The following INTS3 variants were observed in gnomAD, a reference collection of about 807,000 sequenced individuals.
The protein encoded by INTS3 is SOSS complex subunit A.
A neutral mutation model predicts 146.3 loss-of-function variants in INTS3; 34 were observed. The observed-to-expected ratio is 0.23, with a 90% CI of 0.18 to 0.31. The LOEUF (loss-of-function observed/expected upper bound fraction) is 0.31. INTS3 is among the 10% of genes least tolerant of loss of function. The probability of loss-of-function intolerance (pLI) is 1.00; values close to 1 mark genes in which losing one functional copy is unlikely to be tolerated. For missense variants in INTS3, 757 were observed against 1,304.2 expected, an observed-to-expected ratio of 0.58 and a Z score of 6.46; for synonymous variants, 475 against 494.9, an observed-to-expected ratio of 0.96 and a Z score of 0.53.
At chr1:153,737,170 G>C (rs1671327357) in intron 1 of INTS3, among the ~76,000 whole-genome samples, 2 of 152,190 alleles carry the variant, frequency 1.3e-5, no homozygotes. Flanking sequence ...TGACCTCTAA[G>C]ATCAGGTAGA....
chr1:153,745,184 G>T, intron 3 of INTS3, among the ~76,000 whole-genome samples: 2 of 146,496 alleles, frequency 1.4e-5, no homozygotes. Flanking sequence ...TTTGAGACAG[G>T]GTGTCTCTGT....
intron 18 of INTS3, 133 bp downstream of exon 18, chr1:153,764,354 A>G (rs962571896): frequency 1.1e-5 from 7 of 662,944 alleles, no homozygotes; most frequent in South Asian, 1.8e-5. Flanking sequence ...ACATGTACCA[A>G]CTCATTTAAA....
rs768637019 is a variant in INTS3 at position 153,772,553 on chromosome 1, G to A, written c.2822-86G>A. On this transcript the variant is annotated intron_variant, in intron 27 of 29. Transcript: ENST00000318967. The surrounding 1 kb of genome is among the most constrained non-coding windows in gnomAD (Gnocchi z 4.6). ...CACCCGGGGCCACAACCCACACTCG[G>A]GATAAAACAACCTGTGCGTGCTGTT... 2 of 1,610,598 alleles carry A rather than the reference G, an allele frequency of 1.2e-6. No homozygotes were observed. The highest frequency in any genetic ancestry group is 1.7e-6 in the Non-Finnish European group (2 of 1,178,218).
Position 153,765,008 on chromosome 1 carries a change from C to G in INTS3, c.2035C>G (p.Leu679Val). ...FSLLLDLLSE[L>V]YQKQPKIGYH... ...TCTACTTCTAGACCTTCTCTCCGAG[C>G]TATATCAGAAGCAGCCCAAGATTGG... The change falls in exon 20 of 30, where the codon CTA (leucine) becomes GTA (valine). Residue 679 changes from leucine (L) to valine (V), a missense_variant. Leu to Val is a conservative substitution (Grantham distance 32). Coordinates refer to ENST00000318967, the MANE Select transcript of INTS3 (RefSeq NM_023015.5). 1 of 1,614,032 alleles carries G rather than the reference C, an allele frequency of 6.2e-7. No homozygotes were observed. The highest frequency in any genetic ancestry group is 8.5e-7 in the Non-Finnish European group (1 of 1,179,916).
rs540177026 is a variant in INTS3, at chr1:153,761,690, C to G, written c.1516+14C>G. Reference sequence around the variant, plus strand: ...CACCTGTGGAAGGTATGAGGCCCGCCCATTCCATCACCTGTGTCAAAAGAG... The same window carrying G: ...CACCTGTGGAAGGTATGAGGCCCGCGCATTCCATCACCTGTGTCAAAAGAG... On this transcript the variant is annotated intron_variant, in intron 14 of 29. Transcript: ENST00000318967. The G allele has an allele frequency of 3.8e-6, 6 of 1,569,342 alleles. No homozygotes were observed. Among genetic ancestry groups the G allele is most frequent in the Non-Finnish European group, 5.3e-6 (6 of 1,139,686 alleles).
chr1:153,747,310 G>A lies in INTS3; in HGVS notation c.464G>A (p.Ser155Asn). The change falls in exon 5 of 30, where the codon AGT becomes AAT. Residue 155 changes from serine (S) to asparagine (N), a missense_variant. Around this residue, in one of 8 missense-constraint regions of INTS3, gnomAD observed 160 missense variants for 193.7 expected, o/e 0.83. Transcript: ENST00000318967. ...LVWLVRELVKSGVLGADGVCM... is the reference protein window; with the variant it reads ...LVWLVRELVKNGVLGADGVCM... ...TGGTTGGTACGGGAACTGGTGAAGA[G>A]TGGGGTTCTGGGAGCCGATGGTGTT... The A allele has an allele frequency of 6.2e-7, 1 of 1,614,174 alleles. No homozygotes were observed. Among genetic ancestry groups the A allele is most frequent in the African/African-American group, 1.3e-5 (1 of 75,042 alleles).
chr1:153,762,074 A>G lies in INTS3; in HGVS notation c.1516+398A>G, dbSNP rs964988482. On this transcript the variant is annotated intron_variant, in intron 14 of 29. Coordinates refer to ENST00000318967, the MANE Select transcript of INTS3 (RefSeq NM_023015.5). ...AAACCTTACTCTCAATACAACTGCC[A>G]TCTCCTTACCACACATACACACTTT... is the stretch of plus-strand genomic sequence containing the variant. 2.0e-5 allele frequency among the ~76,000 whole-genome samples: 3 copies of G among 152,254 alleles called. No homozygotes were observed. The South Asian group carries it at 6.2e-4, about 31-fold the overall frequency.
chr1:153,746,307 C>A lies in INTS3; in HGVS notation c.319-650C>A, dbSNP rs528475125. 3.3e-5 allele frequency among the ~76,000 whole-genome samples: 5 copies of A among 152,322 alleles called. No individual in the cohort carries two copies. The South Asian group carries it at 1.0e-3, about 32-fold the overall frequency. ...TGGCCTCCACCTGGTTTTGCTCAGC[C>A]TGTGGCATCAAACAGTATGACACTT... is the stretch of plus-strand genomic sequence containing the variant. On this transcript the variant is annotated intron_variant, in intron 3 of 29. Coordinates refer to ENST00000318967, the MANE Select transcript of INTS3 (RefSeq NM_023015.5).
rs1018233297 is a variant in INTS3, at chr1:153,772,298, C to G, written c.2721-42C>G. 5.0e-6 allele frequency: 8 copies of G among 1,598,956 alleles called. No individual in the cohort carries two copies. The highest frequency in any genetic ancestry group is 3.4e-5 in the South Asian group (3 of 88,998). ...GTGGAGGGTGTCTCGCACTCTGGAA[C>G]CCTCCCACACTCAGACTCTGGCTCT... On this transcript the variant is annotated intron_variant, in intron 26 of 29. Transcript: ENST00000318967. This position sits in a 1 kb window ranked among gnomAD's most constrained non-coding sequence, Gnocchi z 4.6.
In INTS3 at chr1:153,751,150, C is replaced by T. The variant is rs768616583; in HGVS notation, c.640C>T (p.Arg214Cys). The part of the protein sequence containing the change: ...LIAMAVYTYL[R>C]LIVDHHGTAQ... Reference sequence around the variant, plus strand: ...TGCCATGGCTGTTTACACGTACCTCCGCCTCATCGTGGACCACCATGGGAC... The same window carrying T: ...TGCCATGGCTGTTTACACGTACCTCTGCCTCATCGTGGACCACCATGGGAC... The change falls in exon 7 of 30, where the codon CGC becomes TGC. Residue 214 changes from arginine to cysteine, a missense_variant. Arg to Cys is a radical substitution (Grantham distance 180). Coordinates refer to ENST00000318967, the MANE Select transcript of INTS3 (RefSeq NM_023015.5). 3.7e-6 allele frequency: 6 copies of T among 1,614,020 alleles called. No homozygotes were observed. Among genetic ancestry groups the T allele is most frequent in the African/African-American group, 1.3e-5 (1 of 74,920 alleles).
chr1:153,764,590 G>A, intron 18 of INTS3, 100 bp from the exon 19 acceptor site: 1 of 906,650 alleles, frequency 1.1e-6, no homozygotes, highest in South Asian at 1.3e-5. Flanking sequence ...TGCCTTTTGG[G>A]TAGGGAAGGA....
At chr1:153,739,047 C>T (rs1207981103) in intron 1 of INTS3, among the ~76,000 whole-genome samples, 3 of 151,994 alleles carry the variant, frequency 2.0e-5, no homozygotes, top group Non-Finnish European at 4.4e-5. Flanking sequence ...GCGCCTGCCA[C>T]CACGCCTGGC....
intron 16 of INTS3, 29 bp from the exon 17 acceptor site, chr1:153,763,803 T>A (rs1379126981): frequency 6.2e-7 from 1 of 1,606,184 alleles, no homozygotes; most frequent in African/African-American, 1.3e-5. Flanking sequence ...TTTATGTCCC[T>A]GGGATTTCCT....
At chr1:153,728,915 C>T (rs1670962707) in intron 1 of INTS3, 131 bp downstream of exon 1, 4 of 605,894 alleles carry the variant, frequency 6.6e-6, no homozygotes, top group Non-Finnish European at 1.1e-5. Context: ...GTAACACAAA[C>T]ACTGCTCCAG....
At chr1:153,736,938 T>C (rs1671316565) in intron 1 of INTS3, among the ~76,000 whole-genome samples, 1 of 151,814 alleles carries the variant, frequency 6.6e-6, no homozygotes, top group Non-Finnish European at 1.5e-5. Context: ...TAATTTTTTG[T>C]ATTTTTTTTA....
chr1:153,767,874 A>G lies in INTS3; in HGVS notation c.2244+47A>G, dbSNP rs184828673. The G allele has an allele frequency of 7.1e-5, 109 of 1,534,914 alleles. No homozygotes were observed. The African/African-American group carries it at 1.2e-3, about 17-fold the overall frequency. ...TGTGCCGGGGGGCTCACAGGAACAC[A>G]CCTCAGTGAACACTCTGAGTACACA... On this transcript the variant is annotated intron_variant, in intron 21 of 29. Coordinates refer to ENST00000318967, the MANE Select transcript of INTS3 (RefSeq NM_023015.5).
At chr1:153,746,879 G>C (rs1671767242) in intron 3 of INTS3, 78 bp from the exon 4 acceptor site, 2 of 795,956 alleles carry the variant, frequency 2.5e-6, no homozygotes, top group Admixed American at 2.1e-5. Flanking sequence ...AGGGATTAGA[G>C]GGCAAGGGGT....
chr1:153,754,766 A>G, intron 9 of INTS3, 27 bp downstream of exon 9: 1 of 1,433,690 alleles, frequency 7.0e-7, no homozygotes, highest in African/African-American at 1.4e-5. Flanking sequence ...CAGCAAGAGA[A>G]GAGGTCACAC....
intron 6 of INTS3, 30 bp downstream of exon 6, chr1:153,748,785 G>A (rs1671847756): frequency 6.4e-7 from 1 of 1,572,974 alleles, no homozygotes; most frequent in Non-Finnish European, 8.8e-7. Flanking sequence ...GTGGGGTACA[G>A]GCCAGATAAT....
Sources: allele counts gnomAD v4.1 joint callset (sites outside exome capture counted in the v4.1 genomes callset), GRCh38; gene constraint gnomAD v4.1.1; regional missense constraint gnomAD v4.1.1; non-coding constraint Gnocchi (gnomAD v3.1); transcripts MANE v1.5; gene names NCBI Gene and HGNC (gene_info 2026-07-23, HGNC 2026-07-21).